The following DNM3 variants were observed in gnomAD, a reference collection of about 807,000 sequenced individuals.
DNM3 encodes the protein dynamin 3.
DNM3 carries 47 observed loss-of-function variants against 101.6 expected under a neutral mutation model. That is an observed-to-expected ratio of 0.46 (90% CI 0.37 to 0.59). The LOEUF is 0.59. Ranked by LOEUF, DNM3 falls within the 20% of genes least tolerant of loss-of-function variation. The pLI, the probability that DNM3 is intolerant of heterozygous loss-of-function variation, is 0.00. For missense variants in DNM3, 849 were observed against 1,085.7 expected (o/e 0.78, Z 3.06); for synonymous variants, 385 against 387.9 (o/e 0.99, Z 0.09).
At chr1:172,377,553 C>CATATATATATATATAGATATATATAT (rs2068668204) in intron 17 of DNM3, among the ~76,000 whole-genome samples, 1 of 123,436 alleles carries the variant, frequency 8.1e-6, no homozygotes, top group Non-Finnish European at 1.6e-5. Flanking sequence ...TGATATATAT[C>CATATATATATATATAGATATATATAT]ATATATATAT....
At chr1:171,977,877 C>T (rs1174030651) in intron 2 of DNM3, among the ~76,000 whole-genome samples, 2 of 152,188 alleles carry the variant, frequency 1.3e-5, no homozygotes, top group East Asian at 1.9e-4. Flanking sequence ...AACATTACAA[C>T]TCTCACATGT....
At chr1:172,176,695 TG>T (rs981134311) in intron 14 of DNM3, among the ~76,000 whole-genome samples, 1 of 151,826 alleles carries the variant, frequency 6.6e-6, no homozygotes, top group African/African-American at 2.4e-5. Flanking sequence ...CATCTTAGTT[TG>T]GGGGCAATTT....
intron 2 of DNM3, among the ~76,000 whole-genome samples, chr1:171,956,590 G>T (rs187428212): frequency 3.2e-4 from 48 of 152,198 alleles, no homozygotes; most frequent in African/African-American, 1.1e-3. Context: ...GCAGGCTGTC[G>T]GTGGATCTAC....
intron 14 of DNM3, among the ~76,000 whole-genome samples, chr1:172,242,854 G>A (rs2061801748): frequency 6.6e-6 from 1 of 152,142 alleles, no homozygotes; most frequent in Admixed American, 6.6e-5. Flanking sequence ...AGCCAAATGA[G>A]GTGGTTTCTC....
intron 6 of DNM3, 84 bp downstream of exon 6, chr1:172,033,349 A>AT (rs563758081): frequency 7.1e-4 from 984 of 1,388,180 alleles, no homozygotes; most frequent in South Asian, 9.7e-4. Flanking sequence ...TTTTAAGTTT[A>AT]TTTTTTTTTC....
intron 13 of DNM3, among the ~76,000 whole-genome samples, chr1:172,102,275 GT>G (rs1285742784): frequency 2.0e-5 from 3 of 152,020 alleles, no homozygotes; most frequent in African/African-American, 7.2e-5. Context: ...TTGCCATTTT[GT>G]TTTTTAATTC....
At chr1:172,135,958 G>A (rs913559003) in intron 14 of DNM3, among the ~76,000 whole-genome samples, 4 of 152,022 alleles carry the variant, frequency 2.6e-5, no homozygotes. Context: ...TATAATAAAA[G>A]CACTTAGTCA....
chr1:172,155,293 C>CAAAAAAAATAAAA (rs2058294925), intron 14 of DNM3, among the ~76,000 whole-genome samples: 1 of 129,610 alleles, frequency 7.7e-6, no homozygotes. Context: ...TTGTGCTTTG[C>CAAAAAAAATAAAA]AAAAAAAAAA....
At chr1:172,024,430 G>C (rs1348113942) in intron 4 of DNM3, among the ~76,000 whole-genome samples, 1 of 152,154 alleles carries the variant, frequency 6.6e-6, no homozygotes, top group Admixed American at 6.5e-5. Flanking sequence ...TTATAAGGAG[G>C]TTATATAATG....
intron 10 of DNM3, among the ~76,000 whole-genome samples, chr1:172,058,395 T>C (rs887867713): frequency 6.0e-5 from 9 of 150,528 alleles, no homozygotes; most frequent in African/African-American, 2.2e-4. Context: ...AATATACATT[T>C]TTTTCAGCAC....
At position 172,378,997 on chromosome 1, in the gene DNM3, GTTTGTTTTCTCTTCTTTTAGGCTGA is replaced by G. The variant is rs2068753607; in HGVS notation, c.1894-20_1898del. The stretch of plus-strand genomic sequence containing the variant: ...CTGAGTGAATATGAGATAATCCATG[GTTTGTTTTCTCTTCTTTTAGGCTGA>G]AAATGATGAGAATGGACAAGCAGAA... On this transcript the variant is annotated splice_acceptor_variant and splice_polypyrimidine_tract_variant and coding_sequence_variant and intron_variant, in exon 18 of 21. Coordinates refer to ENST00000627582, the MANE Select transcript of DNM3 (RefSeq NM_015569.5). LOFTEE classifies it high-confidence loss of function. The G allele has an allele frequency of 6.2e-7, 1 of 1,603,288 alleles. No individual in the cohort carries two copies. Among genetic ancestry groups the G allele is most frequent in the Admixed American group, 1.7e-5 (1 of 58,116 alleles).
chr1:172,378,724 T>A (rs2068740044), intron 17 of DNM3, among the ~76,000 whole-genome samples: 1 of 152,084 alleles, frequency 6.6e-6, no homozygotes. Context: ...TAGATTGTTC[T>A]CTGGAGGTAT....
chr1:172,289,455 G>A (rs1047027448), intron 15 of DNM3: 15 of 485,104 alleles, frequency 3.1e-5, no homozygotes, highest in East Asian at 1.8e-4. Flanking sequence ...ACTATATGTC[G>A]TCTCATTTCT....
chr1:172,328,739 CA>C lies in DNM3; in HGVS notation c.1893+5400del, dbSNP rs1379305956. ...ATAATCTGCACACCAAACCCTGTGT[CA>C]TGCAATTAACCTATATAACAAACCT... On this transcript the variant is annotated intron_variant, in intron 17 of 20. Coordinates refer to ENST00000627582, the MANE Select transcript of DNM3 (RefSeq NM_015569.5). Among the ~76,000 whole-genome samples the C allele has an allele frequency of 3.3e-5, 5 of 152,288 alleles. 1 individual carries two copies. Among genetic ancestry groups the C allele is most frequent in the African/African-American group, 1.2e-4 (5 of 41,572 alleles).
chr1:172,387,497 A>G, intron 19 of DNM3, 138 bp downstream of exon 19: 1 of 717,582 alleles, frequency 1.4e-6, no homozygotes, highest in East Asian at 2.9e-5. Flanking sequence ...CTCTACTAAA[A>G]ACATAAAAAA....
In DNM3 at chr1:172,329,152, T is replaced by C. The variant is rs143489037; in HGVS notation, c.1893+5812T>C. Among the ~76,000 whole-genome samples the C allele has an allele frequency of 3.8e-4, 58 of 152,216 alleles. No individual in the cohort carries two copies. The East Asian group carries it at 0.011, about 28-fold the overall frequency. ...TGCAGTAGGGAGGGTTTTAAAGCCTTCTGTCTATCTTTGGCAGATCAACTG... is the reference window on the plus strand; with the variant it reads ...TGCAGTAGGGAGGGTTTTAAAGCCTCCTGTCTATCTTTGGCAGATCAACTG... On this transcript the variant is annotated intron_variant, in intron 17 of 20. Transcript: ENST00000627582.
intron 14 of DNM3, among the ~76,000 whole-genome samples, chr1:172,170,305 T>A (rs1313704625): frequency 6.6e-6 from 1 of 151,862 alleles, no homozygotes; most frequent in Non-Finnish European, 1.5e-5. Flanking sequence ...ATATCTTGCC[T>A]CATGTCTCAT....
downstream of DNM3, among the ~76,000 whole-genome samples, chr1:172,417,463 A>G (rs2071469336): frequency 6.6e-6 from 1 of 152,220 alleles, no homozygotes; most frequent in Non-Finnish European, 1.5e-5. Context: ...TTCATTATCC[A>G]TAGGTCTGAT....
chr1:172,168,995 G>A (rs1389696084), intron 14 of DNM3, among the ~76,000 whole-genome samples: 1 of 151,902 alleles, frequency 6.6e-6, no homozygotes, highest in Non-Finnish European at 1.5e-5. Context: ...ATTTTCAAAG[G>A]TGCAAATAAT....
Sources: allele counts gnomAD v4.1 joint callset (sites outside exome capture counted in the v4.1 genomes callset), GRCh38; gene constraint gnomAD v4.1.1; transcripts MANE v1.5; gene names NCBI Gene and HGNC (gene_info 2026-07-23, HGNC 2026-07-21).